Variants in RPIA observed in about 807,000 individuals in gnomAD.
RPIA encodes ribose-5-phosphate isomerase.
In RPIA, 29 loss-of-function variants were observed where a neutral mutation model predicts 37.8. The observed-to-expected ratio is 0.77, with a 90% CI of 0.57 to 1.05. The LOEUF (loss-of-function observed/expected upper bound fraction) is 1.05, where lower values mean the gene tolerates loss of function less well. Among genes scored for constraint, RPIA ranks in the 50% least tolerant of loss-of-function variants. The probability of loss-of-function intolerance (pLI) is 0.00; values close to 1 mark genes in which losing one functional copy is unlikely to be tolerated. For missense variants in RPIA, 385 were observed against 413.6 expected (o/e 0.93, Z 0.60); for synonymous variants, 167 against 157.0 (o/e 1.06, Z -0.48).
intron 8 of RPIA, among the ~76,000 whole-genome samples, chr2:88,740,439 T>C (rs1673369166): frequency 6.6e-6 from 1 of 152,256 alleles, no homozygotes; most frequent in Non-Finnish European, 1.5e-5. Flanking sequence ...TCTCATTTTT[T>C]CTTTTCCTGA....
At chr2:88,703,570 C>T (rs1017641423) in intron 3 of RPIA, among the ~76,000 whole-genome samples, 14 of 152,300 alleles carry the variant, frequency 9.2e-5, no homozygotes, top group African/African-American at 2.9e-4. Context: ...GTGGCTAGGA[C>T]GCAGGGCATC....
In RPIA at chr2:88,718,835, G is replaced by C. The variant is rs1673068300; in HGVS notation, c.403-10443G>C. 2.0e-5 allele frequency among the ~76,000 whole-genome samples: 3 copies of C among 152,068 alleles called. 1 individual carries two copies. The highest frequency in any genetic ancestry group is 4.1e-4 in the South Asian group (2 of 4,834). On this transcript the variant is annotated intron_variant, in intron 3 of 8. Coordinates refer to ENST00000283646, the MANE Select transcript of RPIA (RefSeq NM_144563.3). ...AGAAAAACAAATATGCCCCAAATTT[G>C]GTTCATAAGAGTATACTTTACTAAA...
rs151135278 is a variant in RPIA, at chr2:88,735,987, C to T, written c.596+250C>T. Among the ~76,000 whole-genome samples, 493 of 152,140 alleles carry T rather than the reference C, an allele frequency of 3.2e-3. 3 individuals are homozygous for T. Among genetic ancestry groups the T allele is most frequent in the South Asian group, 0.027 (130 of 4,828 alleles). ...GCATCGTTTCATGTGTTCAGTGGAA[C>T]GGGGAAACAGCTTGTCACCCTGTTA... On this transcript the variant is annotated intron_variant, in intron 6 of 8. Transcript: ENST00000283646.
chr2:88,691,899 C>T lies in RPIA; in HGVS notation c.201C>T (p.Ser67=). ...NTSTSCGDSN[S]ICPAPSTMSK... ...GCACCAGCTGCGGGGACTCCAACAGCATCTGCCCGGCCCCCTCCACGATGT... is the reference window on the plus strand; with the variant it reads ...GCACCAGCTGCGGGGACTCCAACAGTATCTGCCCGGCCCCCTCCACGATGT... Residue 67 remains serine, a synonymous_variant, in exon 1 of 9, where the codon AGC becomes AGT. Transcript: ENST00000283646. The T allele has an allele frequency of 6.3e-7, 1 of 1,595,474 alleles. No individual in the cohort carries two copies. Among genetic ancestry groups the T allele is most frequent in the Non-Finnish European group, 8.5e-7 (1 of 1,172,158 alleles).
intron 3 of RPIA, among the ~76,000 whole-genome samples, chr2:88,725,801 T>C (rs1673189662): frequency 6.6e-6 from 1 of 152,196 alleles, no homozygotes; most frequent in Non-Finnish European, 1.5e-5. Context: ...TAATCAGGAC[T>C]TCTCTGTAGA....
At chr2:88,701,743 A>G (rs1227521816) in intron 3 of RPIA, among the ~76,000 whole-genome samples, 1 of 150,376 alleles carries the variant, frequency 6.6e-6, no homozygotes, top group East Asian at 2.0e-4. Context: ...GTTGTAATTC[A>G]GTAGGTCAGA....
chr2:88,723,300 C>T (rs937136051), intron 3 of RPIA, among the ~76,000 whole-genome samples: 1 of 152,130 alleles, frequency 6.6e-6, no homozygotes, highest in South Asian at 2.1e-4. Context: ...TGCTTTCTAC[C>T]GCTCTAGAAG....
At chr2:88,738,456 ACT>A (rs1673342799) in intron 8 of RPIA, among the ~76,000 whole-genome samples, 1 of 152,180 alleles carries the variant, frequency 6.6e-6, no homozygotes, top group Non-Finnish European at 1.5e-5. Flanking sequence ...GGGGAAAATG[ACT>A]CAGTTAATCC....
intron 1 of RPIA, among the ~76,000 whole-genome samples, chr2:88,697,183 T>C (rs1672757833): frequency 6.6e-6 from 1 of 152,220 alleles, no homozygotes; most frequent in African/African-American, 2.4e-5. Flanking sequence ...AGTCAGACAA[T>C]ACAAGCAGGT....
rs754444410 is a variant in RPIA, at chr2:88,750,056, TGAGG to T, written c.918_921del (p.Glu307SerfsTer15). On this transcript the variant is annotated frameshift_variant, in exon 9 of 9. Coordinates refer to ENST00000283646, the MANE Select transcript of RPIA (RefSeq NM_144563.3). LOFTEE classifies it high-confidence loss of function. Reference sequence around the variant, plus strand: ...GGGATGCAGGATGGCTCAGTGAACATGAGGGAGAAGCCTTTCTGTTGACCCTGCA... The same window carrying T: ...GGGATGCAGGATGGCTCAGTGAACATGAGAAGCCTTTCTGTTGACCCTGCA... 3 of 1,612,460 alleles carry T rather than the reference TGAGG, an allele frequency of 1.9e-6. No homozygotes were observed. The African/African-American group carries it at 4.0e-5, about 22-fold the overall frequency.
At chr2:88,718,076 C>G (rs1673057742) in intron 3 of RPIA, among the ~76,000 whole-genome samples, 1 of 151,844 alleles carries the variant, frequency 6.6e-6, no homozygotes, top group African/African-American at 2.4e-5. Context: ...AAATTCGGAA[C>G]AGTGGGGAAA....
intron 6 of RPIA, among the ~76,000 whole-genome samples, 182 bp downstream of exon 6, chr2:88,735,919 A>G (rs1210313129): frequency 6.6e-6 from 1 of 152,180 alleles, no homozygotes; most frequent in African/African-American, 2.4e-5. Context: ...CTGAAGGTAG[A>G]TGTTGCTAAT....
At chr2:88,701,305 A>G (rs1364038246) in intron 3 of RPIA, among the ~76,000 whole-genome samples, 2 of 148,290 alleles carry the variant, frequency 1.3e-5, no homozygotes, top group South Asian at 2.1e-4. Flanking sequence ...TTAAAGCCTC[A>G]GTGGCTTGTG....
At chr2:88,699,581 T>C (rs1197961310) in intron 2 of RPIA, among the ~76,000 whole-genome samples, 1 of 152,202 alleles carries the variant, frequency 6.6e-6, no homozygotes, top group Non-Finnish European at 1.5e-5. Flanking sequence ...TGTGGCTACA[T>C]GGCCTGGGAT....
At chr2:88,698,353 A>C in intron 1 of RPIA, 131 bp from the exon 2 acceptor site, 1 of 803,750 alleles carries the variant, frequency 1.2e-6, no homozygotes. Flanking sequence ...TAAAATAGGC[A>C]CAGTACCTGT....
intron 8 of RPIA, among the ~76,000 whole-genome samples, chr2:88,741,354 T>TC (rs927869395): frequency 2.6e-5 from 4 of 152,222 alleles, no homozygotes; most frequent in African/African-American, 7.2e-5. Context: ...AATTATGGTC[T>TC]CCAACTCCAT....
intron 3 of RPIA, among the ~76,000 whole-genome samples, chr2:88,723,414 G>A (rs1163458465): frequency 1.3e-5 from 2 of 152,144 alleles, no homozygotes; most frequent in East Asian, 1.9e-4. Flanking sequence ...ATGGAAACAG[G>A]AAATCTTGCA....
chr2:88,715,283 G>T (rs188874115), intron 3 of RPIA, among the ~76,000 whole-genome samples: 2 of 152,348 alleles, frequency 1.3e-5, no homozygotes, highest in Non-Finnish European at 2.9e-5. Flanking sequence ...GTATTCTCAT[G>T]CTGATTTTGT....
At chr2:88,741,301 A>G (rs1027613637) in intron 8 of RPIA, among the ~76,000 whole-genome samples, 3 of 152,144 alleles carry the variant, frequency 2.0e-5, no homozygotes, top group African/African-American at 4.8e-5. Flanking sequence ...ATAAGTGAGA[A>G]CATACGATGT....
Sources: allele counts gnomAD v4.1 joint callset (sites outside exome capture counted in the v4.1 genomes callset), GRCh38; gene constraint gnomAD v4.1.1; transcripts MANE v1.5; gene names NCBI Gene and HGNC (gene_info 2026-07-23, HGNC 2026-07-21).